MDN1: variants seen among roughly 807,000 people sequenced by gnomAD.
The protein encoded by MDN1 is midasin AAA ATPase 1, also known as midasin.
In MDN1, 266 loss-of-function variants were observed where a neutral mutation model predicts 669.2. That is an observed-to-expected ratio of 0.40 (90% CI 0.36 to 0.44). MDN1 has a LOEUF of 0.44. Ranked by LOEUF, MDN1 falls within the 20% of genes least tolerant of loss-of-function variation. The pLI is 1.00. For missense variants in MDN1, 5,940 were observed against 6,754.0 expected, an observed-to-expected ratio of 0.88 and a Z score of 4.22; for synonymous variants, 2,385 against 2,457.1, an observed-to-expected ratio of 0.97 and a Z score of 0.87.
At position 89,751,580 on chromosome 6, in the gene MDN1, A is replaced by G; in HGVS notation, c.3078T>C (p.Pro1026=). Residue 1026 remains proline, a splice_region_variant and synonymous_variant, in exon 23 of 102, where the codon CCT becomes CCC. Coordinates refer to ENST00000369393, the MANE Select transcript of MDN1 (RefSeq NM_014611.3). ...PGNVKSLLKQ[P]IPEPKGGRLI... is the part of the protein sequence containing the mutation. ...GCCGACCTCCTTTTGGCTCTGGAAT[A>G]GGCTGAAAGACACAGAAGTTCAAGG... 6.2e-7 allele frequency: 1 copy of G among 1,613,322 alleles called. No individual in the cohort carries two copies.
At chr6:89,776,747 A>G in intron 11 of MDN1, 52 bp from the exon 12 acceptor site, 1 of 1,226,502 alleles carries the variant, frequency 8.2e-7, no homozygotes, top group Non-Finnish European at 1.1e-6. Context: ...TAATATATTA[A>G]TCACAGAACA....
At chr6:89,669,874 G>A (rs893042914) in intron 83 of MDN1, among the ~76,000 whole-genome samples, 13 of 151,536 alleles carry the variant, frequency 8.6e-5, no homozygotes, top group African/African-American at 2.4e-4. Flanking sequence ...TCACAATACC[G>A]GGTACATGGC....
At position 89,685,894 on chromosome 6, in the gene MDN1, A is replaced by G; in HGVS notation, c.11652T>C (p.His3884=). The stretch of plus-strand genomic sequence containing the variant: ...AAACCAGTAACATCTGAAGTCGCAC[A>G]TGGAACTCTCCCAGCGAGGATCCTT... ...FIEGSSLGEF[H]VRLQMLLVFH... Residue 3884 remains histidine (H), a synonymous_variant, in exon 70 of 102, where the codon CAT becomes CAC. Coordinates refer to ENST00000369393, the MANE Select transcript of MDN1 (RefSeq NM_014611.3). 2.5e-6 allele frequency: 4 copies of G among 1,614,172 alleles called. No individual in the cohort carries two copies. The highest frequency in any genetic ancestry group is 3.4e-6 in the Non-Finnish European group (4 of 1,180,028).
At chr6:89,750,586 G>A in intron 23 of MDN1, 54 bp from the exon 24 acceptor site, 5 of 1,507,556 alleles carry the variant, frequency 3.3e-6, no homozygotes, top group Non-Finnish European at 4.6e-6. Context: ...TTACAAAGCT[G>A]AGAAACCAGA....
intron 53 of MDN1, among the ~76,000 whole-genome samples, chr6:89,705,639 CA>C (rs957642676): frequency 6.6e-6 from 1 of 152,006 alleles, no homozygotes; most frequent in Non-Finnish European, 1.5e-5. Flanking sequence ...AGAATATAAA[CA>C]AAAAAGTATA....
At chr6:89,662,717 A>G in intron 86 of MDN1, 75 bp downstream of exon 86, 2 of 1,461,026 alleles carry the variant, frequency 1.4e-6, no homozygotes, top group Non-Finnish European at 1.9e-6. Flanking sequence ...AGAGAAGTAA[A>G]TGACAGAGAA....
At chr6:89,790,433 A>G in intron 5 of MDN1, 32 bp from the exon 6 acceptor site, 1 of 1,612,972 alleles carries the variant, frequency 6.2e-7, no homozygotes, top group South Asian at 1.1e-5. Flanking sequence ...CATGTCAAGA[A>G]GAGTTCTTCC....
intron 40 of MDN1, among the ~76,000 whole-genome samples, chr6:89,719,878 C>T (rs1300823033): frequency 6.6e-6 from 1 of 152,112 alleles, no homozygotes; most frequent in East Asian, 1.9e-4. Context: ...CATTGTTATC[C>T]TTTCATTAGC....
chr6:89,809,237 A>G (rs912402157), intron 1 of MDN1, among the ~76,000 whole-genome samples: 5 of 151,594 alleles, frequency 3.3e-5, no homozygotes, highest in African/African-American at 9.7e-5. Context: ...AAAAAAAAAA[A>G]AAGAAGTATG....
intron 85 of MDN1, among the ~76,000 whole-genome samples, chr6:89,664,128 A>T (rs1810014638): frequency 6.6e-6 from 1 of 152,164 alleles, no homozygotes; most frequent in Non-Finnish European, 1.5e-5. Flanking sequence ...ACAAACACCT[A>T]CTATTTTTCT....
chr6:89,783,710 T>A (rs1332488327), intron 9 of MDN1, among the ~76,000 whole-genome samples: 1 of 152,168 alleles, frequency 6.6e-6, no homozygotes, highest in Non-Finnish European at 1.5e-5. Context: ...GGCATCACGG[T>A]CCTACCAATA....
At position 89,674,110 on chromosome 6, in the gene MDN1, TGAAA is replaced by T. The variant is rs1177024642; in HGVS notation, c.13237_13240del (p.Phe4413IlefsTer13). 1.2e-6 allele frequency: 2 copies of T among 1,613,748 alleles called. No individual in the cohort carries two copies. Among genetic ancestry groups the T allele is most frequent in the Non-Finnish European group, 1.7e-6 (2 of 1,179,818 alleles). On this transcript the variant is annotated frameshift_variant, in exon 79 of 102. Transcript: ENST00000369393. LOFTEE classifies it high-confidence loss of function. ...AAGACATAGACACACTTACCAAGAATGAAAGAGAGTCTCACAAGACTGCTGTCTA... is the reference window on the plus strand; with the variant it reads ...AAGACATAGACACACTTACCAAGAATGAGAGTCTCACAAGACTGCTGTCTA...
Position 89,686,929 on chromosome 6 carries a change from T to C in MDN1, c.11545A>G (p.Met3849Val), listed in dbSNP as rs1221440238. ...FSIYQMLEKH[M>V]QEQTEEQEDD... ...TCCTGTTCTTCTGTTTGTTCCTGCA[T>C]GTGCTTCTCAAGCATCTGATAGATG... The change falls in exon 69 of 102, where the codon ATG becomes GTG. Residue 3849 changes from methionine to valine, a missense_variant. Around this residue, in one of 5 missense-constraint regions of MDN1, gnomAD observed 2,280 missense variants for 2,576.3 expected, o/e 0.88. Coordinates refer to ENST00000369393, the MANE Select transcript of MDN1 (RefSeq NM_014611.3). 5 of 1,613,982 alleles carry C rather than the reference T, an allele frequency of 3.1e-6. No individual in the cohort carries two copies. The South Asian group carries it at 3.3e-5, about 11-fold the overall frequency.
In MDN1 at chr6:89,689,867, T is replaced by C; in HGVS notation, c.11023+3A>G. 1 of 1,613,470 alleles carries C rather than the reference T, an allele frequency of 6.2e-7. No homozygotes were observed. Among genetic ancestry groups the C allele is most frequent in the Non-Finnish European group, 8.5e-7 (1 of 1,179,776 alleles). On this transcript the variant is annotated splice_donor_region_variant and intron_variant, in intron 65 of 101. Coordinates refer to ENST00000369393, the MANE Select transcript of MDN1 (RefSeq NM_014611.3). ...GGGGCATAACAAAAGTAAACTACCATACCCATCAGGGGGTAGAAGTGTGTC... is the reference window on the plus strand; with the variant it reads ...GGGGCATAACAAAAGTAAACTACCACACCCATCAGGGGGTAGAAGTGTGTC...
Position 89,662,156 on chromosome 6 carries a change from T to C in MDN1, c.14496A>G (p.Glu4832=). Residue 4832 remains glutamate (E), a synonymous_variant, in exon 87 of 102, where the codon GAA becomes GAG. Coordinates refer to ENST00000369393, the MANE Select transcript of MDN1 (RefSeq NM_014611.3). Reference sequence around the variant, plus strand: ...CATCAGCTTCTGCTTCTTCCTTTTCTTCCTTCTTATCTTGCTGGCTTTTAT... The same window carrying C: ...CATCAGCTTCTGCTTCTTCCTTTTCCTCCTTCTTATCTTGCTGGCTTTTAT... ...NKDKSQQDKK[E]EKEEAEADDG... 6.2e-7 allele frequency: 1 copy of C among 1,614,128 alleles called. No homozygotes were observed. Among genetic ancestry groups the C allele is most frequent in the Non-Finnish European group, 8.5e-7 (1 of 1,180,020 alleles).
intron 1 of MDN1, 139 bp from the exon 2 acceptor site, chr6:89,803,693 T>A: frequency 1.5e-6 from 1 of 656,318 alleles, no homozygotes. Context: ...GCCATTCTCC[T>A]GCCCGAGCCG....
intron 54 of MDN1, 110 bp downstream of exon 54, chr6:89,701,794 G>T: frequency 6.6e-7 from 1 of 1,517,268 alleles, no homozygotes; most frequent in Non-Finnish European, 8.9e-7. Context: ...TCACCAATAT[G>T]CCAAGGGAAT....
intron 7 of MDN1, among the ~76,000 whole-genome samples, chr6:89,789,278 G>T (rs1819130485): frequency 6.6e-6 from 1 of 152,146 alleles, no homozygotes; most frequent in East Asian, 1.9e-4. Context: ...ACACAGAAGT[G>T]GTCTTTTTAC....
intron 38 of MDN1, among the ~76,000 whole-genome samples, 182 bp downstream of exon 38, chr6:89,725,017 G>C (rs550172364): frequency 9.4e-4 from 143 of 152,248 alleles, no homozygotes; most frequent in Middle Eastern, 3.4e-3. Flanking sequence ...CAGGGCAAAA[G>C]ATGAAGGACA....
Sources: allele counts gnomAD v4.1 joint callset (sites outside exome capture counted in the v4.1 genomes callset), GRCh38; gene constraint gnomAD v4.1.1; regional missense constraint gnomAD v4.1.1; transcripts MANE v1.5; gene names NCBI Gene and HGNC (gene_info 2026-07-23, HGNC 2026-07-21).